Variants in CIMIP6 observed in about 807,000 individuals in gnomAD.
The protein encoded by CIMIP6 is ciliary microtubule inner protein 6.
At chr2:54,343,239 G>A in the CIMIP6 span, among the ~76,000 whole-genome samples, 1 of 152,132 alleles carries the variant, frequency 6.6e-6, no homozygotes, top group Non-Finnish European at 1.5e-5. Context: ...TGTATGTATA[G>A]CATTGTGTGC....
At chr2:54,339,174 TAAAATA>T in the CIMIP6 span, among the ~76,000 whole-genome samples, 1 of 73,780 alleles carries the variant, frequency 1.4e-5, no homozygotes, top group African/African-American at 4.6e-5. Flanking sequence ...TAAAATAAAA[TAAAATA>T]AAAATATTTT....
chr2:54,352,777 G>GAATACTTAATACAATGTAAATGCC, the CIMIP6 span, among the ~76,000 whole-genome samples: 6 of 152,136 alleles, frequency 3.9e-5, no homozygotes, highest in East Asian at 1.2e-3. Flanking sequence ...AGATTACTTA[G>GAATACTTAATACAATGTAAATGCC]AATACTTAAT....
chr2:54,337,825 G>C, the CIMIP6 span, among the ~76,000 whole-genome samples: 1 of 152,274 alleles, frequency 6.6e-6, no homozygotes, highest in East Asian at 1.9e-4. Flanking sequence ...GAATCTGTCA[G>C]TGAATATGAA....
chr2:54,340,888 C>T, the CIMIP6 span, among the ~76,000 whole-genome samples: 3 of 152,018 alleles, frequency 2.0e-5, no homozygotes, highest in Non-Finnish European at 2.9e-5. Flanking sequence ...TCACCTGAGT[C>T]CAGGAGTTTG....
chr2:54,372,153 C>G, the CIMIP6 span, among the ~76,000 whole-genome samples: 3 of 152,064 alleles, frequency 2.0e-5, no homozygotes, highest in Non-Finnish European at 2.9e-5. Flanking sequence ...TGGGGTGGAG[C>G]AGAGAGATTA....
chr2:54,360,231 T>A, the CIMIP6 span: 2 of 1,602,816 alleles, frequency 1.2e-6, no homozygotes, highest in Admixed American at 3.5e-5. Flanking sequence ...CAGAGAGAGA[T>A]AAAACCAGGC....
At chr2:54,358,919 T>A in the CIMIP6 span, 24 of 988,406 alleles carry the variant, frequency 2.4e-5, no homozygotes, top group African/African-American at 2.8e-4. Context: ...CATAAACAAA[T>A]CTAATTTTTT....
the CIMIP6 span, among the ~76,000 whole-genome samples, chr2:54,356,608 C>G: frequency 6.6e-6 from 1 of 152,150 alleles, no homozygotes; most frequent in South Asian, 2.1e-4. Flanking sequence ...TACAAAAGAG[C>G]TGGCCCTTTG....
the CIMIP6 span, chr2:54,360,399 C>G: frequency 6.2e-7 from 1 of 1,606,696 alleles, no homozygotes; most frequent in East Asian, 2.2e-5. Context: ...CTGTTAGAGC[C>G]TAAAACTCAC....
At chr2:54,379,191 T>C in the CIMIP6 span, among the ~76,000 whole-genome samples, 3 of 152,256 alleles carry the variant, frequency 2.0e-5, no homozygotes, top group Non-Finnish European at 4.4e-5. Context: ...GCTTTTGCTA[T>C]AAATGTGGTT....
At chr2:54,375,681 A>G in the CIMIP6 span, among the ~76,000 whole-genome samples, 1 of 152,256 alleles carries the variant, frequency 6.6e-6, no homozygotes, top group South Asian at 2.1e-4. Flanking sequence ...TATTAAGTGT[A>G]AACAATTGAA....
chr2:54,350,733 C>T, the CIMIP6 span, among the ~76,000 whole-genome samples: 1 of 152,224 alleles, frequency 6.6e-6, no homozygotes, highest in Non-Finnish European at 1.5e-5. Context: ...CTTCAACAGT[C>T]ATTTAAATGA....
At chr2:54,349,413 C>A in the CIMIP6 span, among the ~76,000 whole-genome samples, 118,392 of 152,130 alleles carry the variant, frequency 0.78, 46,164 homozygotes, top group Non-Finnish European at 0.8. Flanking sequence ...CCAATAGAAG[C>A]AGCAAATTGT....
the CIMIP6 span, chr2:54,343,804 C>G: frequency 6.8e-6 from 11 of 1,612,822 alleles, no homozygotes; most frequent in East Asian, 2.0e-4. Flanking sequence ...GAGTGACTTC[C>G]AAAAACCATC....
chr2:54,345,426 C>A, the CIMIP6 span, among the ~76,000 whole-genome samples: 2 of 152,158 alleles, frequency 1.3e-5, no homozygotes, highest in Admixed American at 6.6e-5. Context: ...ATGATGCTTT[C>A]CTTCTGGTAT....
chr2:54,363,699 G>T, the CIMIP6 span, among the ~76,000 whole-genome samples: 1 of 152,004 alleles, frequency 6.6e-6, no homozygotes, highest in Non-Finnish European at 1.5e-5. Flanking sequence ...CTATTAAAAT[G>T]GATTTCATTA....
the CIMIP6 span, among the ~76,000 whole-genome samples, chr2:54,368,462 T>C: frequency 1.3e-5 from 2 of 152,254 alleles, no homozygotes; most frequent in African/African-American, 4.8e-5. Flanking sequence ...ATAACCCTAG[T>C]GCATGCCTAT....
the CIMIP6 span, among the ~76,000 whole-genome samples, chr2:54,378,072 G>C: frequency 2.0e-5 from 3 of 152,122 alleles, no homozygotes; most frequent in East Asian, 5.8e-4. Flanking sequence ...TGCAGAGCCG[G>C]GAGCATCAGG....
the CIMIP6 span, among the ~76,000 whole-genome samples, chr2:54,377,178 T>C: frequency 3.3e-5 from 5 of 152,132 alleles, no homozygotes; most frequent in African/African-American, 1.2e-4. Flanking sequence ...CTGATAAACG[T>C]TGAACCCACG....
Sources: gnomAD v4.1 joint callset for allele counts (sites outside exome capture counted in the v4.1 genomes callset) on GRCh38, gnomAD v4.1.1 for gene constraint, MANE v1.5 for transcripts, NCBI Gene and HGNC (gene_info 2026-07-23, HGNC 2026-07-21) for gene names.